WFS1: variants seen among roughly 807,000 people sequenced by gnomAD.
WFS1 encodes the protein wolframin.
In WFS1, 90 loss-of-function variants were observed where a neutral mutation model predicts 68.5. That is an observed-to-expected ratio of 1.31 (90% CI 1.11 to 1.56). The LOEUF (loss-of-function observed/expected upper bound fraction) is 1.56, where lower values mean the gene tolerates loss of function less well. Among genes scored for constraint, WFS1 ranks in the 40% most tolerant of loss-of-function variants. The pLI is 0.00. For missense variants in WFS1, 1,767 were observed against 1,232.6 expected, an observed-to-expected ratio of 1.43 and a Z score of -6.49; for synonymous variants, 860 against 540.7, an observed-to-expected ratio of 1.59 and a Z score of -8.19.
chr4:6,273,327 A>G (rs1335522913), intron 1 of WFS1, among the ~76,000 whole-genome samples: 2 of 152,220 alleles, frequency 1.3e-5, no homozygotes, highest in Non-Finnish European at 1.5e-5. Context: ...ATTGCTCATG[A>G]GGAAAGAATG....
In WFS1 at chr4:6,303,124, C is replaced by T. The variant is rs772538455; in HGVS notation, c.*656C>T. 1 of 153,584 alleles carries T rather than the reference C, an allele frequency of 6.5e-6. No homozygotes were observed. Among genetic ancestry groups the T allele is most frequent in the Non-Finnish European group, 1.4e-5 (1 of 69,226 alleles). 9.5% of individuals were successfully genotyped at this position (153,584 alleles called of 1,614,324 possible). A position where few individuals can be genotyped will look rare whatever the true frequency, so the allele number is the denominator to read the frequency against. On this transcript the variant is annotated 3_prime_UTR_variant, in exon 8 of 8. Transcript: ENST00000226760. ...AAGGTCTTGCCTGAATCCATCAGGA[C>T]TTGGGAAACAGAGAACCCTGTGGGG...
intron 2 of WFS1, among the ~76,000 whole-genome samples, chr4:6,286,511 A>G (rs116433160): frequency 0.044 from 6,749 of 152,296 alleles, 179 homozygotes; most frequent in South Asian, 0.083. Context: ...AGCTTGGTCT[A>G]TGGTATTAAT....
At chr4:6,298,498 AAC>A (rs1730708946) in intron 7 of WFS1, among the ~76,000 whole-genome samples, 2 of 149,886 alleles carry the variant, frequency 1.3e-5, no homozygotes, top group Admixed American at 1.3e-4. Context: ...CTTGTTATAA[AAC>A]AGAGATTAAG....
rs886059533 is a variant in WFS1, at chr4:6,302,726, A to G, written c.*258A>G. 35 of 590,378 alleles carry G rather than the reference A, an allele frequency of 5.9e-5. 1 individual carries two copies. In the South Asian group the frequency reaches 6.7e-4, roughly 11 times the overall value. The allele number at this position is 590,378 out of a possible 1,614,324, so 36.6% of individuals were successfully genotyped here. On this transcript the variant is annotated 3_prime_UTR_variant, in exon 8 of 8. Transcript: ENST00000226760. ...CCTGAGCCTGACCTTTCTGAGTGAC[A>G]TGGGTGTGCCAGGCTAGACTAGGAG...
intron 7 of WFS1, among the ~76,000 whole-genome samples, chr4:6,298,366 C>T (rs988824120): frequency 6.6e-6 from 1 of 152,236 alleles, no homozygotes; most frequent in South Asian, 2.1e-4. Context: ...GCCCTCAAAC[C>T]CTGTAGTGCC....
chr4:6,275,449 G>C (rs529308911), intron 1 of WFS1, among the ~76,000 whole-genome samples: 2 of 152,332 alleles, frequency 1.3e-5, no homozygotes, highest in African/African-American at 4.8e-5. Flanking sequence ...GGCTGCTTTT[G>C]TGGAAGGTGC....
At chr4:6,276,851 C>G (rs767078467) in intron 1 of WFS1, among the ~76,000 whole-genome samples, 1 of 152,344 alleles carries the variant, frequency 6.6e-6, no homozygotes, top group Middle Eastern at 3.4e-3. Flanking sequence ...CTCTGTCCAG[C>G]TTCTGGCAGT....
intron 2 of WFS1, among the ~76,000 whole-genome samples, chr4:6,286,522 AT>A (rs1296243669): frequency 3.3e-5 from 5 of 152,182 alleles, no homozygotes; most frequent in Non-Finnish European, 7.4e-5. Flanking sequence ...TGGTATTAAT[AT>A]TTTTGTTATA....
In WFS1 at chr4:6,302,822, C is replaced by T. The variant is rs1731010365; in HGVS notation, c.*354C>T. On this transcript the variant is annotated 3_prime_UTR_variant, in exon 8 of 8. Coordinates refer to ENST00000226760, the MANE Select transcript of WFS1 (RefSeq NM_006005.3). ...TCCCCCACCTTCAAGCACCCTGTTCCCTCTTTCTTTCTTTTGTGTTGGATT... is the reference window on the plus strand; with the variant it reads ...TCCCCCACCTTCAAGCACCCTGTTCTCTCTTTCTTTCTTTTGTGTTGGATT... The T allele has an allele frequency of 1.8e-5, 7 of 380,172 alleles. No individual in the cohort carries two copies. The Middle Eastern group carries it at 2.1e-3, about 116-fold the overall frequency. The allele number at this position is 380,172 out of a possible 1,614,324, so 23.5% of individuals were successfully genotyped here. A position where few individuals can be genotyped will look rare whatever the true frequency, so the allele number is the denominator to read the frequency against.
chr4:6,280,767 T>G (rs1031644770), intron 2 of WFS1, among the ~76,000 whole-genome samples: 8 of 152,160 alleles, frequency 5.3e-5, no homozygotes, highest in Admixed American at 3.9e-4. Context: ...GCCCCACCCC[T>G]TCCCACTATG....
Position 6,295,205 on chromosome 4 carries a change from C to A in WFS1, c.861+16C>A. ...GCGTCTGAAGGTGAGTGACCAAGAC[C>A]CCGGTCAGGCCGGAGCCTGCCTCCC... On this transcript the variant is annotated intron_variant, in intron 7 of 7. Coordinates refer to ENST00000226760, the MANE Select transcript of WFS1 (RefSeq NM_006005.3). 1 of 1,610,616 alleles carries A rather than the reference C, an allele frequency of 6.2e-7. No individual in the cohort carries two copies. Among genetic ancestry groups the A allele is most frequent in the Non-Finnish European group, 8.5e-7 (1 of 1,180,008 alleles).
intron 2 of WFS1, among the ~76,000 whole-genome samples, chr4:6,278,722 G>A (rs4689391): frequency 0.58 from 88,148 of 152,166 alleles, 26,333 homozygotes; most frequent in East Asian, 0.93. Context: ...TATGCTGGGC[G>A]TGCCCTTGGA....
rs734312 is a variant in WFS1, at chr4:6,301,627, G to C, written c.1832G>C (p.Arg611Pro). The change falls in exon 8 of 8, where the codon CGC becomes CCC. Residue 611 changes from arginine (R) to proline (P), a missense_variant. By Grantham distance (103) the Arg-to-Pro change is moderately radical (BLOSUM62 -2). Transcript: ENST00000226760. Reference sequence around the variant, plus strand: ...GTCTGTAGTGTGCCCCTGCTGTTGCGCTGGTGGACCAAGGCCAGCTTCTCT... The same window carrying C: ...GTCTGTAGTGTGCCCCTGCTGTTGCCCTGGTGGACCAAGGCCAGCTTCTCT... ...VAVCSVPLLL[R>P]WWTKASFSVV... 1 of 1,613,794 alleles carries C rather than the reference G, an allele frequency of 6.2e-7. No individual in the cohort carries two copies. Among genetic ancestry groups the C allele is most frequent in the African/African-American group, 1.3e-5 (1 of 74,902 alleles).
chr4:6,271,829 C>T (rs1729852350), intron 1 of WFS1, among the ~76,000 whole-genome samples: 1 of 152,182 alleles, frequency 6.6e-6, no homozygotes, highest in African/African-American at 2.4e-5. Flanking sequence ...CGGGTCAGGT[C>T]CGCCTCCCGA....
At chr4:6,289,690 T>C (rs938983803) in intron 4 of WFS1, among the ~76,000 whole-genome samples, 2 of 152,214 alleles carry the variant, frequency 1.3e-5, no homozygotes, top group Non-Finnish European at 2.9e-5. Flanking sequence ...GACGTTGTCC[T>C]GCGCAAGGGA....
Position 6,287,028 on chromosome 4 carries a change from C to T in WFS1, c.233-65C>T. ...TCTGAAGACCCTCATGCCTTGTCCCCTCCATCCTGACAAGTGACAAAGTCT... is the reference window on the plus strand; with the variant it reads ...TCTGAAGACCCTCATGCCTTGTCCCTTCCATCCTGACAAGTGACAAAGTCT... On this transcript the variant is annotated intron_variant, in intron 2 of 7. Transcript: ENST00000226760. The surrounding 1 kb of genome is among the most constrained non-coding windows in gnomAD (Gnocchi z 6.4). 1.4e-6 allele frequency: 2 copies of T among 1,437,850 alleles called. No homozygotes were observed. Among genetic ancestry groups the T allele is most frequent in the African/African-American group, 1.4e-5 (1 of 70,814 alleles). 89.1% of individuals were successfully genotyped at this position (1,437,850 alleles called of 1,614,324 possible).
rs1240635163 is a variant in WFS1, at chr4:6,283,981, G to C, written c.233-3112G>C. Among the ~76,000 whole-genome samples, 1 of 152,268 alleles carries C rather than the reference G, an allele frequency of 6.6e-6. No individual in the cohort carries two copies. The highest frequency in any genetic ancestry group is 1.5e-5 in the Non-Finnish European group (1 of 68,034). On this transcript the variant is annotated intron_variant, in intron 2 of 7. Transcript: ENST00000226760. The surrounding 1 kb of genome is among the most constrained non-coding windows in gnomAD (Gnocchi z 5.0). ...TGGGATTTGCCTTTGAGCCCACGAA[G>C]GCTCCTACTTCATGGACTGAGCTAA...
chr4:6,294,716 G>A, intron 6 of WFS1: 1 of 388,244 alleles, frequency 2.6e-6, no homozygotes, highest in Non-Finnish European at 5.0e-6. Flanking sequence ...TGTAAGGCTT[G>A]GCAGGTGAAC....
intron 1 of WFS1, among the ~76,000 whole-genome samples, chr4:6,270,796 C>T (rs571109196): frequency 2.0e-5 from 3 of 152,298 alleles, no homozygotes; most frequent in Non-Finnish European, 4.4e-5. Context: ...ATTTGTGCAA[C>T]CCCCCACCAC....
Sources: allele counts gnomAD v4.1 joint callset (sites outside exome capture counted in the v4.1 genomes callset), GRCh38; gene constraint gnomAD v4.1.1; non-coding constraint Gnocchi (gnomAD v3.1); transcripts MANE v1.5; gene names NCBI Gene and HGNC (gene_info 2026-07-23, HGNC 2026-07-21).